Variants in NBEA observed in about 807,000 individuals in gnomAD.
NBEA encodes lysosomal-trafficking regulator 2.
A neutral mutation model predicts 343.4 loss-of-function variants in NBEA; 44 were observed. The observed-to-expected ratio is 0.13, with a 90% CI of 0.10 to 0.16. The LOEUF (loss-of-function observed/expected upper bound fraction) is 0.16, where lower values mean the gene tolerates loss of function less well. NBEA is among the 10% of genes least tolerant of loss of function. The pLI, the probability that NBEA is intolerant of heterozygous loss-of-function variation, is 1.00. For synonymous variants in NBEA, 1,175 were observed against 1,238.7 expected (o/e 0.95, Z 1.08); for missense variants, 2,555 against 3,631.3 (o/e 0.70, Z 7.62).
chr13:35,015,304 AT>A (rs1263860604), intron 1 of NBEA, among the ~76,000 whole-genome samples: 2 of 152,194 alleles, frequency 1.3e-5, no homozygotes, highest in East Asian at 3.9e-4. Flanking sequence ...CATAAAACTC[AT>A]TTAATAATGA....
At chr13:34,963,344 A>G (rs73490336) in intron 1 of NBEA, among the ~76,000 whole-genome samples, 11,715 of 151,896 alleles carry the variant, frequency 0.077, 551 homozygotes, top group African/African-American at 0.11. Flanking sequence ...TTCTTATGTG[A>G]ACATCAGTTA....
At chr13:35,227,465 C>T (rs1403628609) in intron 33 of NBEA, among the ~76,000 whole-genome samples, 1 of 151,948 alleles carries the variant, frequency 6.6e-6, no homozygotes, top group Admixed American at 6.6e-5. Flanking sequence ...CTTACCGATG[C>T]CTACATTTCC....
chr13:35,105,330 C>T (rs2065865141), intron 11 of NBEA, among the ~76,000 whole-genome samples: 1 of 151,968 alleles, frequency 6.6e-6, no homozygotes, highest in African/African-American at 2.4e-5. Context: ...GTTGGAAAGG[C>T]AGCAAAAGGT....
intron 1 of NBEA, among the ~76,000 whole-genome samples, chr13:35,003,726 A>G (rs1012521143): frequency 6.6e-6 from 1 of 152,108 alleles, no homozygotes. Flanking sequence ...TCTTAACTTT[A>G]ATTTTTATCT....
intron 45 of NBEA, among the ~76,000 whole-genome samples, chr13:35,576,678 A>G (rs1257988387): frequency 6.6e-6 from 1 of 152,150 alleles, no homozygotes; most frequent in Admixed American, 6.5e-5. Flanking sequence ...ATACTGTCAT[A>G]TATATTCTTC....
rs756743713 is a variant in NBEA, at chr13:35,196,200, T to C, written c.5264T>C (p.Val1755Ala). The C allele has an allele frequency of 8.1e-6, 13 of 1,613,486 alleles. No individual in the cohort carries two copies. The highest frequency in any genetic ancestry group is 1.0e-5 in the Non-Finnish European group (12 of 1,179,728). Reference protein sequence around the residue: ...EILKSLVAAPVEIAECGPEPI... With the variant: ...EILKSLVAAPAEIAECGPEPI... ...CTGAAAAGTCTTGTGGCTGCTCCAG[T>C]TGAAATAGCAGAATGTGGCCCTGAA... The change falls in exon 31 of 59, where the codon GTT becomes GCT. Residue 1755 changes from valine to alanine, a missense_variant. Transcript: ENST00000379939.
intron 1 of NBEA, among the ~76,000 whole-genome samples, chr13:34,988,470 T>C (rs1390755329): frequency 6.6e-6 from 1 of 151,188 alleles, no homozygotes; most frequent in Non-Finnish European, 1.5e-5. Context: ...CTTTTCCGGC[T>C]GCTTTGTTTA....
intron 41 of NBEA, among the ~76,000 whole-genome samples, chr13:35,495,860 C>G (rs955870427): frequency 5.9e-5 from 9 of 151,972 alleles, no homozygotes; most frequent in Non-Finnish European, 1.0e-4. Context: ...ACAGCAAATA[C>G]TTTGGATGAT....
chr13:34,983,015 GTTATTA>G (rs965622974), intron 1 of NBEA, among the ~76,000 whole-genome samples: 3 of 151,562 alleles, frequency 2.0e-5, no homozygotes, highest in African/African-American at 4.8e-5. Flanking sequence ...TGACCTTTGG[GTTATTA>G]TTATTATTAT....
At chr13:35,073,591 A>G (rs1055394890) in intron 10 of NBEA, among the ~76,000 whole-genome samples, 4 of 152,080 alleles carry the variant, frequency 2.6e-5, no homozygotes, top group Admixed American at 6.6e-5. Context: ...TGGCACTACT[A>G]CTTTGTTTTA....
intron 1 of NBEA, among the ~76,000 whole-genome samples, chr13:35,028,972 A>G (rs573793389): frequency 4.0e-5 from 6 of 151,820 alleles, no homozygotes; most frequent in East Asian, 3.9e-4. Context: ...TGGCTGAATA[A>G]TATTCCATTG....
intron 1 of NBEA, among the ~76,000 whole-genome samples, chr13:34,986,741 T>C (rs942196580): frequency 2.6e-5 from 4 of 151,022 alleles, no homozygotes; most frequent in Non-Finnish European, 4.4e-5. Context: ...CATATATATT[T>C]AGGATAGTTA....
chr13:35,658,174 G>A (rs378833), intron 55 of NBEA, among the ~76,000 whole-genome samples: 142,825 of 152,204 alleles, frequency 0.94, 67,651 homozygotes, highest in East Asian at 1. Flanking sequence ...AAAAAGCAGT[G>A]TCATATTTTA....
intron 38 of NBEA, among the ~76,000 whole-genome samples, chr13:35,407,055 G>A (rs1489009074): frequency 1.3e-5 from 2 of 150,770 alleles, no homozygotes; most frequent in Admixed American, 6.6e-5. Flanking sequence ...TGCCTCCCAG[G>A]TTCAAGCAAT....
rs749405292 is a variant in NBEA at position 35,630,057 on chromosome 13, AAAATAAATT to A, written c.7617+1824_7617+1832del. Among the ~76,000 whole-genome samples, 314 of 144,966 alleles carry A rather than the reference AAAATAAATT, an allele frequency of 2.2e-3. 1 individual carries two copies. The highest frequency in any genetic ancestry group is 2.7e-3 in the Non-Finnish European group (175 of 64,002). On this transcript the variant is annotated intron_variant, in intron 49 of 58. Coordinates refer to ENST00000379939, the MANE Select transcript of NBEA (RefSeq NM_001385012.1). ...AAATTAAATACATTAAACACAAAAT[AAAATAAATT>A]AAATAAATTAAATACAAAATAAAAT...
intron 45 of NBEA, among the ~76,000 whole-genome samples, chr13:35,569,972 CTGT>C (rs1404694786): frequency 6.6e-6 from 1 of 152,192 alleles, no homozygotes; most frequent in African/African-American, 2.4e-5. Flanking sequence ...GAGGAAGTCA[CTGT>C]TTCTACAGTA....
chr13:35,338,520 C>G (rs1441578491), intron 36 of NBEA, among the ~76,000 whole-genome samples: 1 of 152,042 alleles, frequency 6.6e-6, no homozygotes, highest in Non-Finnish European at 1.5e-5. Flanking sequence ...CCTGGTAATG[C>G]TATCAAACAT....
At chr13:35,459,869 G>C (rs2036235185) in intron 40 of NBEA, among the ~76,000 whole-genome samples, 1 of 152,194 alleles carries the variant, frequency 6.6e-6, no homozygotes, top group South Asian at 2.1e-4. Flanking sequence ...GTATAAGCCA[G>C]TGGCACAGAA....
intron 41 of NBEA, among the ~76,000 whole-genome samples, chr13:35,530,416 T>C (rs1003334975): frequency 2.1e-4 from 32 of 151,734 alleles, no homozygotes; most frequent in Non-Finnish European, 4.4e-4. Context: ...GTTCATTAGA[T>C]GGTGTTTTCT....
Sources: allele counts gnomAD v4.1 joint callset (sites outside exome capture counted in the v4.1 genomes callset), GRCh38; gene constraint gnomAD v4.1.1; transcripts MANE v1.5; gene names NCBI Gene and HGNC (gene_info 2026-07-23, HGNC 2026-07-21).